The following CPA6 variants were observed in gnomAD, a reference collection of about 807,000 sequenced individuals.
CPA6 encodes the protein carboxypeptidase B.
In CPA6, 58 loss-of-function variants were observed where a neutral mutation model predicts 63.3. The ratio of observed to expected loss-of-function variants is 0.92; its 90% confidence interval spans 0.74 to 1.14. The LOEUF is 1.14. CPA6 is among the 50% of genes most tolerant of loss of function. The pLI, the probability that CPA6 is intolerant of heterozygous loss-of-function variation, is 0.00. For synonymous variants in CPA6, 185 were observed against 179.0 expected, an observed-to-expected ratio of 1.03 and a Z score of -0.27; for missense variants, 565 against 526.6, an observed-to-expected ratio of 1.07 and a Z score of -0.71.
At chr8:67,700,109 T>A (rs1816993943) in intron 1 of CPA6, among the ~76,000 whole-genome samples, 1 of 152,174 alleles carries the variant, frequency 6.6e-6, no homozygotes. Flanking sequence ...TAAACATACT[T>A]CTCTAAGCAA....
intron 2 of CPA6, among the ~76,000 whole-genome samples, chr8:67,607,177 CTTCTTCTTCTTCTTCTTCTTCT>C (rs1814671905): frequency 1.6e-4 from 2 of 12,782 alleles, no homozygotes; most frequent in African/African-American, 7.8e-4. Flanking sequence ...TCCTCTTCTT[CTTCTTCTTCTTCTTCTTCTTCT>C]TCTTCTTCTT....
At chr8:67,430,679 T>A (rs762343966) in intron 9 of CPA6, among the ~76,000 whole-genome samples, 1 of 152,150 alleles carries the variant, frequency 6.6e-6, no homozygotes, top group Non-Finnish European at 1.5e-5. Flanking sequence ...AACAATGGCA[T>A]TGTTGACATC....
intron 8 of CPA6, among the ~76,000 whole-genome samples, chr8:67,475,790 TTTC>T: frequency 1.8e-5 from 1 of 56,196 alleles, no homozygotes; most frequent in Non-Finnish European, 3.3e-5. Context: ...TCTTTCTTTC[TTTC>T]TTTCTTTCTT....
intron 1 of CPA6, among the ~76,000 whole-genome samples, chr8:67,743,363 A>G (rs538822634): frequency 1.3e-5 from 2 of 152,202 alleles, no homozygotes; most frequent in South Asian, 2.1e-4. Context: ...TATACCCAAT[A>G]TATATTTATG....
At position 67,718,475 on chromosome 8, in the gene CPA6, G is replaced by T. The variant is rs1012047240; in HGVS notation, c.116+27539C>A. Among the ~76,000 whole-genome samples, 4 of 152,092 alleles carry T rather than the reference G, an allele frequency of 2.6e-5. No homozygotes were observed. In the South Asian group the frequency reaches 6.2e-4, roughly 24 times the overall value. ...GGGTTATGTATGGCTGTGATGAAAG[G>T]TACATGTGCAGGTCAGATAATCCCC... is the stretch of plus-strand genomic sequence containing the variant. On this transcript the variant is annotated intron_variant, in intron 1 of 10. Transcript: ENST00000297770.
chr8:67,625,189 G>T (rs1302859690), intron 1 of CPA6, among the ~76,000 whole-genome samples: 3 of 152,048 alleles, frequency 2.0e-5, no homozygotes, highest in Non-Finnish European at 4.4e-5. Flanking sequence ...TTTTTGATAG[G>T]CCTGAAGGTC....
chr8:67,737,988 C>A (rs753464641), intron 1 of CPA6, among the ~76,000 whole-genome samples: 1 of 151,966 alleles, frequency 6.6e-6, no homozygotes, highest in Non-Finnish European at 1.5e-5. Flanking sequence ...CTTCCGGTCC[C>A]GACATTCTAT....
At chr8:67,636,369 T>C (rs1815469329) in intron 1 of CPA6, among the ~76,000 whole-genome samples, 1 of 151,422 alleles carries the variant, frequency 6.6e-6, no homozygotes, top group Non-Finnish European at 1.5e-5. Flanking sequence ...ATTTTAAAAT[T>C]ATGTAGGGCA....
chr8:67,637,549 CTATT>C (rs1422095284), intron 1 of CPA6, among the ~76,000 whole-genome samples: 1 of 151,486 alleles, frequency 6.6e-6, no homozygotes, highest in African/African-American at 2.4e-5. Context: ...GGAGAACAAA[CTATT>C]TATTCAATAT....
intron 5 of CPA6, among the ~76,000 whole-genome samples, chr8:67,508,944 A>G (rs1274720343): frequency 6.6e-6 from 1 of 152,154 alleles, no homozygotes; most frequent in African/African-American, 2.4e-5. Flanking sequence ...CGTAGGCTGT[A>G]CAGGAAGCAT....
In CPA6 at chr8:67,746,292, A is replaced by G; in HGVS notation, c.-163T>C. 1 of 490,794 alleles carries G rather than the reference A, an allele frequency of 2.0e-6. No individual in the cohort carries two copies. The highest frequency in any genetic ancestry group is 3.7e-6 in the Non-Finnish European group (1 of 270,090). The allele number at this position is 490,794 out of a possible 1,614,324, so 30.4% of individuals were successfully genotyped here. ...CACTTCTCTCCAGCTACAAGGGAAA[A>G]AAAAAGTTCAGGCAGCTGAGGAAGG... On this transcript the variant is annotated 5_prime_UTR_variant, in exon 1 of 11. Transcript: ENST00000297770.
chr8:67,625,872 T>C (rs2128987233), intron 1 of CPA6, among the ~76,000 whole-genome samples: 1 of 152,322 alleles, frequency 6.6e-6, no homozygotes, highest in African/African-American at 2.4e-5. Context: ...GATGATGATA[T>C]GATTTGGATT....
chr8:67,475,817 C>T (rs201949239), intron 8 of CPA6, among the ~76,000 whole-genome samples: 413 of 31,478 alleles, frequency 0.013, 7 homozygotes, highest in African/African-American at 0.027. Context: ...TTCTTTCTTT[C>T]CTTTCTTTTC....
At chr8:67,716,904 A>T (rs138601068) in intron 1 of CPA6, among the ~76,000 whole-genome samples, 7 of 152,372 alleles carry the variant, frequency 4.6e-5, no homozygotes, top group Admixed American at 1.3e-4. Context: ...GGTTGAGAAA[A>T]TGAATAATGA....
intron 6 of CPA6, among the ~76,000 whole-genome samples, chr8:67,488,735 G>C (rs1479793952): frequency 1.3e-5 from 2 of 152,178 alleles, no homozygotes; most frequent in African/African-American, 4.8e-5. Flanking sequence ...TCGTTGAGCG[G>C]TGGTTTGTAG....
intron 8 of CPA6, among the ~76,000 whole-genome samples, chr8:67,482,806 C>T (rs1811387362): frequency 6.6e-6 from 1 of 152,218 alleles, no homozygotes; most frequent in South Asian, 2.1e-4. Context: ...AATCAGACTA[C>T]ATTTGTCTTA....
intron 8 of CPA6, among the ~76,000 whole-genome samples, chr8:67,463,176 G>A (rs1421077195): frequency 6.6e-6 from 1 of 152,192 alleles, no homozygotes; most frequent in Non-Finnish European, 1.5e-5. Flanking sequence ...AGGCACCATG[G>A]CTCATGCCTG....
chr8:67,671,489 C>T (rs972171521), intron 1 of CPA6, among the ~76,000 whole-genome samples: 3 of 152,066 alleles, frequency 2.0e-5, no homozygotes, highest in African/African-American at 7.3e-5. Flanking sequence ...GGCTGAGATA[C>T]CTAAGCTATA....
chr8:67,508,398 T>A (rs1009905129), intron 5 of CPA6, among the ~76,000 whole-genome samples: 2 of 151,688 alleles, frequency 1.3e-5, no homozygotes, highest in African/African-American at 2.4e-5. Context: ...CAGGGAAGAG[T>A]GTCAAGCAGG....
Sources: gnomAD v4.1 joint callset for allele counts (sites outside exome capture counted in the v4.1 genomes callset) on GRCh38, gnomAD v4.1.1 for gene constraint, MANE v1.5 for transcripts, NCBI Gene and HGNC (gene_info 2026-07-23, HGNC 2026-07-21) for gene names.